MBTD1: variants seen among roughly 807,000 people sequenced by gnomAD.
The protein encoded by MBTD1 is MBT domain-containing protein 1.
Under a neutral mutation model 87.8 loss-of-function variants are expected in MBTD1, and 24 were observed. The ratio of observed to expected loss-of-function variants is 0.27; its 90% CI spans 0.20 to 0.38. MBTD1 has a LOEUF of 0.38. Ranked by LOEUF, MBTD1 falls within the 10% of genes least tolerant of loss-of-function variation. The pLI, the probability that MBTD1 is intolerant of heterozygous loss-of-function variation, is 1.00. For missense variants in MBTD1, 436 were observed against 760.2 expected (o/e 0.57, Z 5.02); for synonymous variants, 237 against 248.6 (o/e 0.95, Z 0.44).
In MBTD1 at chr17:51,180,567, T is replaced by TA; in HGVS notation, c.*8dup. ...TCCTTCCCCACCCGCCCTCAGTTTC[T>TA]AAGCCACCTCATGGCTCTTGTTTGA... On this transcript the variant is annotated 3_prime_UTR_variant, in exon 17 of 17. Coordinates refer to ENST00000586178, the MANE Select transcript of MBTD1 (RefSeq NM_017643.3). 6.7e-7 allele frequency: 1 copy of TA among 1,492,518 alleles called. No homozygotes were observed. Among genetic ancestry groups the TA allele is most frequent in the Admixed American group, 2.0e-5 (1 of 50,054 alleles). 92.5% of individuals were successfully genotyped at this position (1,492,518 alleles called of 1,614,324 possible). A position where few individuals can be genotyped will look rare whatever the true frequency, so the allele number is the denominator to read the frequency against.
At chr17:51,251,467 G>A (rs1003038870) in intron 2 of MBTD1, 3 of 152,302 alleles carry the variant, frequency 2.0e-5, no homozygotes, top group South Asian at 2.1e-4. Flanking sequence ...ATAGAGCTGT[G>A]AACTATCAAA....
chr17:51,220,481 A>G lies in MBTD1; in HGVS notation c.155-18T>C. ...ACAGGTAGCTAATTAACAAAATAAA[A>G]ACACTGGTGTTATGATGATATAATA... On this transcript the variant is annotated intron_variant, in intron 3 of 16. Transcript: ENST00000586178. The G allele has an allele frequency of 6.5e-7, 1 of 1,531,986 alleles. No homozygotes were observed. The highest frequency in any genetic ancestry group is 1.4e-5 in the African/African-American group (1 of 72,586). The allele number at this position is 1,531,986 out of a possible 1,614,324, so 94.9% of individuals were successfully genotyped here. A position where few individuals can be genotyped will look rare whatever the true frequency, so the allele number is the denominator to read the frequency against.
At chr17:51,227,603 T>C (rs1287406830) in intron 2 of MBTD1, among the ~76,000 whole-genome samples, 3 of 151,822 alleles carry the variant, frequency 2.0e-5, no homozygotes, top group Non-Finnish European at 2.9e-5. Context: ...CTTTATCATG[T>C]TGGAAAAGAA....
chr17:51,179,493 TA>T lies in MBTD1; in HGVS notation c.*1082del. 3.1e-5 allele frequency: 1 copy of T among 32,388 alleles called. No individual in the cohort carries two copies. Among genetic ancestry groups the T allele is most frequent in the Non-Finnish European group, 6.4e-5 (1 of 15,596 alleles). 2.0% of individuals were successfully genotyped at this position (32,388 alleles called of 1,614,324 possible). A position where few individuals can be genotyped will look rare whatever the true frequency, so the allele number is the denominator to read the frequency against. On this transcript the variant is annotated 3_prime_UTR_variant, in exon 17 of 17. Coordinates refer to ENST00000586178, the MANE Select transcript of MBTD1 (RefSeq NM_017643.3). ...ACAATTAAAGACAATTTTATATATA[TA>T]TATATATATATATATATATATATAT... is the stretch of plus-strand genomic sequence containing the variant.
At chr17:51,247,114 G>A (rs59649592) in intron 2 of MBTD1, among the ~76,000 whole-genome samples, 15,615 of 152,106 alleles carry the variant, frequency 0.1, 1,611 homozygotes, top group African/African-American at 0.26. Context: ...TAAAAATATT[G>A]TATGTTAAGG....
rs184706773 is a variant in MBTD1, at chr17:51,230,925, G to A, written c.-48-5716C>T. ...ATACAGCTCACCTCCATTTGGAGGC[G>A]ACCTTCTATACTCATAGTTTTTTTT... On this transcript the variant is annotated intron_variant, in intron 2 of 16. Transcript: ENST00000586178. Among the ~76,000 whole-genome samples the A allele has an allele frequency of 1.0e-3, 159 of 151,714 alleles. 1 individual carries two copies. Among genetic ancestry groups the A allele is most frequent in the Non-Finnish European group, 1.8e-3 (121 of 67,974 alleles).
At chr17:51,209,410 T>A (rs1374146667) in intron 6 of MBTD1, 1 of 471,216 alleles carries the variant, frequency 2.1e-6, no homozygotes, top group Admixed American at 2.3e-5. Flanking sequence ...GTGAGGGCTA[T>A]CTGGGAGCGA....
In MBTD1 at chr17:51,195,358, G is replaced by C. The variant is rs2051038509; in HGVS notation, c.1228C>G (p.Leu410Val). Residue 410 changes from leucine to valine, a missense_variant, in exon 13 of 17, where the codon CTA (leucine) becomes GTA (valine). Leu to Val is a conservative substitution (Grantham distance 32). This residue lies in a region of MBTD1 where 268 missense variants were observed against 401.8 expected (regional missense o/e 0.67). Transcript: ENST00000586178. Reference sequence around the variant, plus strand: ...CCAATCATCAGGAATCCGTCAGCTAGCACCTTTTCAATGAAGAGAATTCTA... The same window carrying C: ...CCAATCATCAGGAATCCGTCAGCTACCACCTTTTCAATGAAGAGAATTCTA... The part of the protein sequence containing the change: ...TICVATIRKV[L>V]ADGFLMIGID... The C allele has an allele frequency of 1.3e-6, 2 of 1,590,550 alleles. No homozygotes were observed.
chr17:51,179,503 T>TACATATATATATATATATATATATAC lies in MBTD1; in HGVS notation c.*1072_*1073insGTATATATATATATATATATATATGT. 1 of 79,492 alleles carries TACATATATATATATATATATATATAC rather than the reference T, an allele frequency of 1.3e-5. No homozygotes were observed. The highest frequency in any genetic ancestry group is 5.0e-5 in the African/African-American group (1 of 19,866). The allele number at this position is 79,492 out of a possible 1,614,324, so 4.9% of individuals were successfully genotyped here. A position where few individuals can be genotyped will look rare whatever the true frequency, so the allele number is the denominator to read the frequency against. ...ACAATTTTATATATATATATATATATATATATATATATATATATATATATA... is the reference window on the plus strand; with the variant it reads ...ACAATTTTATATATATATATATATATACATATATATATATATATATATATACATATATATATATATATATATATATA... On this transcript the variant is annotated 3_prime_UTR_variant, in exon 17 of 17. Transcript: ENST00000586178.
At chr17:51,193,140 C>A in intron 14 of MBTD1, 124 bp from the exon 15 acceptor site, 7 of 702,348 alleles carry the variant, frequency 1.0e-5, no homozygotes, top group Non-Finnish European at 1.7e-5. Flanking sequence ...CCATAAATTC[C>A]AAATAATTCT....
chr17:51,226,378 T>C (rs1188896716), intron 2 of MBTD1, among the ~76,000 whole-genome samples: 1 of 150,808 alleles, frequency 6.6e-6, no homozygotes, highest in Non-Finnish European at 1.5e-5. Context: ...TAGCTGAGTG[T>C]GGTGGCACGC....
chr17:51,239,163 T>C (rs9912818), intron 2 of MBTD1, among the ~76,000 whole-genome samples: 18,046 of 151,408 alleles, frequency 0.12, 1,813 homozygotes, highest in African/African-American at 0.27. Flanking sequence ...CATTTCCCAA[T>C]GAGATTAAAA....
Position 51,206,907 on chromosome 17 carries a change from A to G in MBTD1, c.585T>C (p.Ala195=), listed in dbSNP as rs1281749937. Residue 195 remains alanine, a synonymous_variant, in exon 7 of 17, where the codon GCT becomes GCC. Coordinates refer to ENST00000586178, the MANE Select transcript of MBTD1 (RefSeq NM_017643.3). ...TTTCACCTGCTAATTTTACAATTCC[A>G]GCAATCCAGAAGACTTTGGTAGGTA... ...CSLPTKVFWI[A]GIVKLAGYNA... 6.2e-7 allele frequency: 1 copy of G among 1,610,564 alleles called. No individual in the cohort carries two copies. Among genetic ancestry groups the G allele is most frequent in the Non-Finnish European group, 8.5e-7 (1 of 1,176,886 alleles).
At chr17:51,198,207 ATC>A (rs2051249482) in intron 12 of MBTD1, among the ~76,000 whole-genome samples, 1 of 152,122 alleles carries the variant, frequency 6.6e-6, no homozygotes, top group Non-Finnish European at 1.5e-5. Context: ...TGACTTTGCT[ATC>A]TTATTTGATA....
At chr17:51,219,467 T>C (rs2052761478) in intron 4 of MBTD1, among the ~76,000 whole-genome samples, 1 of 152,212 alleles carries the variant, frequency 6.6e-6, no homozygotes, top group Non-Finnish European at 1.5e-5. Flanking sequence ...GGTTTATACC[T>C]TTAGTGCTAA....
chr17:51,237,452 TA>T (rs1304175295), intron 2 of MBTD1, among the ~76,000 whole-genome samples: 1 of 152,190 alleles, frequency 6.6e-6, no homozygotes, highest in Non-Finnish European at 1.5e-5. Context: ...AAGGGGTTTG[TA>T]TCTAGAAACA....
In MBTD1 at chr17:51,242,981, G is replaced by A. The variant is rs9893865; in HGVS notation, c.-49+16162C>T. The stretch of plus-strand genomic sequence containing the variant: ...TGTATGTTTATTCAACAAATCTCTC[G>A]TTTCAACATTTAGTTTTCAATGTTT... On this transcript the variant is annotated intron_variant, in intron 2 of 16. Transcript: ENST00000586178. 1.3e-3 allele frequency among the ~76,000 whole-genome samples: 205 copies of A among 152,160 alleles called. 1 individual carries two copies. Among genetic ancestry groups the A allele is most frequent in the African/African-American group, 4.7e-3 (195 of 41,508 alleles).
At chr17:51,203,741 T>C (rs1454247306) in intron 8 of MBTD1, 50 bp downstream of exon 8, 1 of 1,548,406 alleles carries the variant, frequency 6.5e-7, no homozygotes, top group Non-Finnish European at 8.8e-7. Flanking sequence ...TAAAATAGCA[T>C]TAAAGTACAC....
chr17:51,260,247 A>G, upstream of MBTD1: 1 of 447,852 alleles, frequency 2.2e-6, no homozygotes, highest in Non-Finnish European at 4.0e-6. Context: ...GAGGAAAAGC[A>G]GAAGTTCCAT....
Sources: allele counts gnomAD v4.1 joint callset (sites outside exome capture counted in the v4.1 genomes callset), GRCh38; gene constraint gnomAD v4.1.1; regional missense constraint gnomAD v4.1.1; transcripts MANE v1.5; gene names NCBI Gene and HGNC (gene_info 2026-07-23, HGNC 2026-07-21).